Variants in SNTG2 observed in about 807,000 individuals in gnomAD.
The protein encoded by SNTG2 is syntrophin gamma 2, also known as gamma-2-syntrophin.
A neutral mutation model predicts 70.9 loss-of-function variants in SNTG2; 74 were observed. That is an observed-to-expected ratio of 1.04 (90% CI 0.86 to 1.27). SNTG2 has a LOEUF of 1.27. SNTG2 is among the 50% of genes most tolerant of loss of function. The pLI is 0.00. For synonymous variants in SNTG2, 278 were observed against 273.8 expected (o/e 1.02, Z -0.15); for missense variants, 717 against 690.7 (o/e 1.04, Z -0.43).
rs151223750 is a variant in SNTG2, at chr2:1,172,847, C to G, written c.500-245C>G. 8.8e-3 allele frequency among the ~76,000 whole-genome samples: 1,346 copies of G among 152,248 alleles called. 21 individuals are homozygous for G. The highest frequency in any genetic ancestry group is 0.031 in the African/African-American group (1,283 of 41,546). ...CACCTTCCTGATGCTGTCCCTCCAC[C>G]CTGGGGAGCCCTCACAGGAGCCGGC... is the stretch of plus-strand genomic sequence containing the variant. On this transcript the variant is annotated intron_variant, in intron 7 of 16. Transcript: ENST00000308624.
chr2:1,060,049 A>G (rs1434665908), intron 1 of SNTG2, among the ~76,000 whole-genome samples: 6 of 152,204 alleles, frequency 3.9e-5, no homozygotes, highest in African/African-American at 1.2e-4. Flanking sequence ...ATTACATTTT[A>G]TCCCTACCTT....
At chr2:1,123,319 T>C (rs1053945445) in intron 4 of SNTG2, among the ~76,000 whole-genome samples, 1 of 152,166 alleles carries the variant, frequency 6.6e-6, no homozygotes, top group Non-Finnish European at 1.5e-5. Flanking sequence ...TATATTACTA[T>C]AGTAATCAAA....
intron 1 of SNTG2, among the ~76,000 whole-genome samples, chr2:967,883 G>A (rs1217193849): frequency 1.3e-5 from 2 of 152,136 alleles, no homozygotes. Context: ...ACAAAAATTA[G>A]CCAGGCATAG....
intron 4 of SNTG2, among the ~76,000 whole-genome samples, chr2:1,126,040 A>T (rs1272373266): frequency 6.6e-6 from 1 of 152,104 alleles, no homozygotes; most frequent in Non-Finnish European, 1.5e-5. Context: ...AATAAACAAT[A>T]TATTATTGCT....
intron 8 of SNTG2, among the ~76,000 whole-genome samples, chr2:1,177,670 A>G (rs146435887): frequency 1.3e-5 from 2 of 150,216 alleles, no homozygotes; most frequent in East Asian, 1.9e-4. Context: ...ACGTGCTTCA[A>G]AAGAAAAAAA....
rs147384578 is a variant in SNTG2, at chr2:1,300,790, G to A, written c.1285-7704G>A. ...TTAATATATTTGAAAATGAACTTGA[G>A]TGTGCTATTTAATACCACATTTTGT... On this transcript the variant is annotated intron_variant, in intron 14 of 16. Coordinates refer to ENST00000308624, the MANE Select transcript of SNTG2 (RefSeq NM_018968.4). Among the ~76,000 whole-genome samples, 15 of 152,248 alleles carry A rather than the reference G, an allele frequency of 9.9e-5. No individual in the cohort carries two copies. In the East Asian group the frequency reaches 2.5e-3, roughly 26 times the overall value.
intron 1 of SNTG2, among the ~76,000 whole-genome samples, chr2:979,451 TG>T (rs1391491111): frequency 6.6e-6 from 1 of 152,138 alleles, no homozygotes; most frequent in Non-Finnish European, 1.5e-5. Flanking sequence ...AATGGGAGCT[TG>T]CCCGTCGGGC....
At chr2:1,222,326 C>T (rs143859627) in intron 9 of SNTG2, among the ~76,000 whole-genome samples, 188 of 152,342 alleles carry the variant, frequency 1.2e-3, no homozygotes, top group African/African-American at 4.2e-3. Flanking sequence ...ATCTTTTCTT[C>T]GTATCCAAGC....
intron 6 of SNTG2, among the ~76,000 whole-genome samples, chr2:1,142,125 C>G (rs1668794992): frequency 6.6e-6 from 1 of 152,196 alleles, no homozygotes; most frequent in Non-Finnish European, 1.5e-5. Context: ...TGATTGAGAG[C>G]CCAGGCCTCT....
At chr2:1,166,246 T>C (rs1398306619) in intron 7 of SNTG2, among the ~76,000 whole-genome samples, 1 of 152,190 alleles carries the variant, frequency 6.6e-6, no homozygotes, top group Non-Finnish European at 1.5e-5. Flanking sequence ...GCCCTCTCTT[T>C]GTGGGTAATC....
intron 1 of SNTG2, among the ~76,000 whole-genome samples, chr2:1,004,561 G>C (rs1659506758): frequency 6.6e-6 from 1 of 151,894 alleles, no homozygotes; most frequent in African/African-American, 2.4e-5. Flanking sequence ...AGCATATGAG[G>C]ATGCTCAATG....
chr2:1,308,943 G>C (rs1189745024), intron 15 of SNTG2, among the ~76,000 whole-genome samples: 2 of 152,192 alleles, frequency 1.3e-5, no homozygotes, highest in Non-Finnish European at 2.9e-5. Flanking sequence ...AACAGTGCCT[G>C]TGCCTGGGGG....
At chr2:971,064 A>G (rs1660723608) in intron 1 of SNTG2, among the ~76,000 whole-genome samples, 1 of 152,194 alleles carries the variant, frequency 6.6e-6, no homozygotes, top group Admixed American at 6.5e-5. Flanking sequence ...TTGTTTGAGG[A>G]CTTTTGCATC....
At chr2:982,968 A>G (rs1180985856) in intron 1 of SNTG2, among the ~76,000 whole-genome samples, 1 of 152,128 alleles carries the variant, frequency 6.6e-6, no homozygotes, top group African/African-American at 2.4e-5. Flanking sequence ...GGTAGTGGTC[A>G]GGATGAAGCA....
chr2:1,139,654 G>A (rs191435451), intron 6 of SNTG2, among the ~76,000 whole-genome samples: 141 of 150,378 alleles, frequency 9.4e-4, no homozygotes, highest in African/African-American at 3.4e-3. Context: ...AGCAGGACCT[G>A]TCTCTACAAA....
In SNTG2 at chr2:1,116,376, T is replaced by A. The variant is rs139545800; in HGVS notation, c.325+17966T>A. Among the ~76,000 whole-genome samples the A allele has an allele frequency of 7.9e-5, 12 of 152,316 alleles. No individual in the cohort carries two copies. The East Asian group carries it at 2.3e-3, about 29-fold the overall frequency. ...AGCTCCAGTTACTCAGGCAAGGCTGTGGCTGCTCACCCGTGGCCCTGGCTC... is the reference window on the plus strand; with the variant it reads ...AGCTCCAGTTACTCAGGCAAGGCTGAGGCTGCTCACCCGTGGCCCTGGCTC... On this transcript the variant is annotated intron_variant, in intron 4 of 16. Transcript: ENST00000308624.
At chr2:1,245,242 A>G (rs1677351870) in intron 11 of SNTG2, among the ~76,000 whole-genome samples, 1 of 151,794 alleles carries the variant, frequency 6.6e-6, no homozygotes, top group African/African-American at 2.4e-5. Flanking sequence ...CATTGTGCAC[A>G]TGTACCCTAA....
chr2:1,019,968 C>T (rs1272728135), intron 1 of SNTG2, among the ~76,000 whole-genome samples: 3 of 152,156 alleles, frequency 2.0e-5, no homozygotes, highest in Non-Finnish European at 2.9e-5. Context: ...GCTTGAACTC[C>T]GGAGGCAGAG....
At chr2:1,219,318 G>A (rs1004222755) in intron 9 of SNTG2, among the ~76,000 whole-genome samples, 3 of 152,138 alleles carry the variant, frequency 2.0e-5, no homozygotes, top group Non-Finnish European at 4.4e-5. Context: ...AGCCAAGGAA[G>A]CCTCTTTTCC....
Sources: gnomAD v4.1 joint callset for allele counts (sites outside exome capture counted in the v4.1 genomes callset) on GRCh38, gnomAD v4.1.1 for gene constraint, MANE v1.5 for transcripts, NCBI Gene and HGNC (gene_info 2026-07-23, HGNC 2026-07-21) for gene names.